NRXN3: variants seen among roughly 807,000 people sequenced by gnomAD.
NRXN3 encodes the protein neurexin III.
NRXN3 carries 32 observed loss-of-function variants against 137.6 expected under a neutral mutation model. The ratio of observed to expected loss-of-function variants is 0.23; its 90% CI spans 0.18 to 0.31. The LOEUF is 0.31. Ranked by LOEUF, NRXN3 falls within the 10% of genes least tolerant of loss-of-function variation. NRXN3 has a pLI of 1.00. For missense variants in NRXN3, 1,574 were observed against 2,062.5 expected, an observed-to-expected ratio of 0.76 and a Z score of 4.59; for synonymous variants, 798 against 784.5, an observed-to-expected ratio of 1.02 and a Z score of -0.29.
At chr14:78,211,432 C>G (rs927713231) in intron 1 of NRXN3, among the ~76,000 whole-genome samples, 1 of 152,236 alleles carries the variant, frequency 6.6e-6, no homozygotes, top group Non-Finnish European at 1.5e-5. Flanking sequence ...GAGTTTCACC[C>G]CCTCCTCTGG....
chr14:78,399,644 A>C (rs1396896837), intron 4 of NRXN3, among the ~76,000 whole-genome samples: 1 of 152,164 alleles, frequency 6.6e-6, no homozygotes, highest in Non-Finnish European at 1.5e-5. Flanking sequence ...TCAATGTCTA[A>C]CTGCTGCCTG....
At chr14:79,820,080 A>G (rs539740499) in intron 20 of NRXN3, among the ~76,000 whole-genome samples, 2 of 152,132 alleles carry the variant, frequency 1.3e-5, no homozygotes, top group African/African-American at 4.8e-5. Context: ...AACCTTGGCT[A>G]TGGGTTATTG....
At chr14:78,263,455 G>A (rs893522146) in intron 2 of NRXN3, among the ~76,000 whole-genome samples, 2 of 152,076 alleles carry the variant, frequency 1.3e-5, no homozygotes, top group Non-Finnish European at 1.5e-5. Context: ...TGGCATAATC[G>A]GAATTAGACA....
At chr14:78,519,344 A>G (rs1200231637) in intron 4 of NRXN3, among the ~76,000 whole-genome samples, 1 of 152,112 alleles carries the variant, frequency 6.6e-6, no homozygotes, top group African/African-American at 2.4e-5. Context: ...CACATTTACC[A>G]ACCTGCTCCA....
intron 1 of NRXN3, among the ~76,000 whole-genome samples, chr14:78,218,838 G>A (rs1009903572): frequency 6.6e-6 from 1 of 152,180 alleles, no homozygotes; most frequent in Admixed American, 6.5e-5. Flanking sequence ...GGCTGCCATA[G>A]CAAACTACTA....
At chr14:78,919,796 T>C (rs1368115252) in intron 10 of NRXN3, among the ~76,000 whole-genome samples, 1 of 151,538 alleles carries the variant, frequency 6.6e-6, no homozygotes, top group Non-Finnish European at 1.5e-5. Context: ...ATATAATTTT[T>C]TAATCAATTG....
At chr14:78,818,475 A>G (rs767222659) in intron 10 of NRXN3, among the ~76,000 whole-genome samples, 2 of 152,166 alleles carry the variant, frequency 1.3e-5, no homozygotes, top group African/African-American at 2.4e-5. Flanking sequence ...AGAAAGGAAG[A>G]AAATTAACCA....
chr14:78,957,301 G>A lies in NRXN3; in HGVS notation c.2335G>A (p.Val779Ile), dbSNP rs139593796. Residue 779 changes from valine (V) to isoleucine (I), a missense_variant, in exon 11 of 21, where the codon GTT becomes ATT. Val to Ile is a conservative substitution (Grantham distance 29). This residue lies in a region of NRXN3 where 718 missense variants were observed against 887.6 expected (regional missense o/e 0.81). Coordinates refer to ENST00000335750, the MANE Select transcript of NRXN3 (RefSeq NM_001330195.2). ...GCTCAATGACAACGAGTGGCACACC[G>A]TTCGGGTGGTGCGGAGAGGAAAAAG... ...QKLNDNEWHTVRVVRRGKSLK... is the reference protein window; with the variant it reads ...QKLNDNEWHTIRVVRRGKSLK... The A allele has an allele frequency of 7.9e-5, 127 of 1,613,964 alleles. No individual in the cohort carries two copies. Among genetic ancestry groups the A allele is most frequent in the Non-Finnish European group, 1.0e-4 (118 of 1,179,956 alleles).
At chr14:78,447,333 T>C (rs1195560816) in intron 4 of NRXN3, among the ~76,000 whole-genome samples, 1 of 152,278 alleles carries the variant, frequency 6.6e-6, no homozygotes, top group Admixed American at 6.5e-5. Context: ...ATTCTTTTAA[T>C]CATACATTTT....
At chr14:78,508,097 T>C (rs1599639681) in intron 4 of NRXN3, among the ~76,000 whole-genome samples, 1 of 152,200 alleles carries the variant, frequency 6.6e-6, no homozygotes, top group Non-Finnish European at 1.5e-5. Context: ...TGGGGATGCA[T>C]GGGTAAATAC....
intron 1 of NRXN3, among the ~76,000 whole-genome samples, chr14:78,241,568 C>T (rs2067083257): frequency 1.3e-5 from 2 of 151,642 alleles, no homozygotes; most frequent in East Asian, 1.9e-4. Flanking sequence ...TGCAGTGAGC[C>T]GAGCTCACGC....
At chr14:79,674,314 G>A (rs371578205) in intron 17 of NRXN3, among the ~76,000 whole-genome samples, 7 of 151,742 alleles carry the variant, frequency 4.6e-5, no homozygotes, top group Admixed American at 2.0e-4. Flanking sequence ...AAAATCCTGC[G>A]CATACTTTGA....
chr14:79,769,141 G>A (rs551782420), intron 19 of NRXN3, among the ~76,000 whole-genome samples: 15 of 150,250 alleles, frequency 1.0e-4, no homozygotes, highest in Middle Eastern at 3.4e-3. Flanking sequence ...CCAAATCTAC[G>A]TCTGATTGGT....
intron 15 of NRXN3, among the ~76,000 whole-genome samples, chr14:79,036,203 A>AT (rs2099615670): frequency 6.6e-6 from 1 of 152,062 alleles, no homozygotes; most frequent in Non-Finnish European, 1.5e-5. Context: ...ATTCAGCAAG[A>AT]TACTTCCCCC....
intron 4 of NRXN3, among the ~76,000 whole-genome samples, chr14:78,614,032 C>G (rs960068430): frequency 6.6e-6 from 1 of 152,162 alleles, no homozygotes; most frequent in African/African-American, 2.4e-5. Flanking sequence ...TAGAGATTAT[C>G]TAGTTCAGGG....
At chr14:78,983,398 T>C (rs1402039586) in intron 14 of NRXN3, among the ~76,000 whole-genome samples, 1 of 152,228 alleles carries the variant, frequency 6.6e-6, no homozygotes, top group Non-Finnish European at 1.5e-5. Flanking sequence ...GAAACCTGGG[T>C]GTTCATCCTC....
chr14:78,783,618 A>T (rs2098777946), intron 8 of NRXN3, among the ~76,000 whole-genome samples: 1 of 152,222 alleles, frequency 6.6e-6, no homozygotes, highest in African/African-American at 2.4e-5. Context: ...TGAGGGGTAT[A>T]AGAAACTCAG....
Position 78,911,275 on chromosome 14 carries a change from G to T in NRXN3, c.2276-45967G>T, listed in dbSNP as rs542013279. Among the ~76,000 whole-genome samples, 25 of 152,220 alleles carry T rather than the reference G, an allele frequency of 1.6e-4. No individual in the cohort carries two copies. In the South Asian group the frequency reaches 4.4e-3, roughly 26 times the overall value. On this transcript the variant is annotated intron_variant, in intron 10 of 20. Transcript: ENST00000335750. ...CCACAGCTAGTAAGTTATAGAGTTGGGATTTGAACCCAGGCCTTCAGATAT... is the reference window on the plus strand; with the variant it reads ...CCACAGCTAGTAAGTTATAGAGTTGTGATTTGAACCCAGGCCTTCAGATAT...
chr14:79,133,008 C>T (rs751417923), intron 15 of NRXN3, among the ~76,000 whole-genome samples: 2 of 152,210 alleles, frequency 1.3e-5, no homozygotes, highest in African/African-American at 2.4e-5. Context: ...AGATGGTGCT[C>T]TGTGTCTGAG....
Sources: gnomAD v4.1 joint callset for allele counts (sites outside exome capture counted in the v4.1 genomes callset) on GRCh38, gnomAD v4.1.1 for gene constraint, gnomAD v4.1.1 regional missense constraint, MANE v1.5 for transcripts, NCBI Gene and HGNC (gene_info 2026-07-23, HGNC 2026-07-21) for gene names.